LDLRAD3: variants seen among roughly 807,000 people sequenced by gnomAD.
The protein encoded by LDLRAD3 is low density lipoprotein receptor class A domain containing 3.
LDLRAD3 carries 20 observed loss-of-function variants against 29.4 expected under a neutral mutation model. The ratio of observed to expected loss-of-function variants is 0.68; its 90% confidence interval spans 0.48 to 0.99. The LOEUF is 0.99. Among genes scored for constraint, LDLRAD3 ranks in the 50% least tolerant of loss-of-function variants. LDLRAD3 has a pLI of 0.00. For synonymous variants in LDLRAD3, 157 were observed against 192.7 expected, an observed-to-expected ratio of 0.81 and a Z score of 1.53; for missense variants, 420 against 454.3, an observed-to-expected ratio of 0.92 and a Z score of 0.69.
At chr11:36,189,465 C>T (rs1218153401) in intron 4 of LDLRAD3, among the ~76,000 whole-genome samples, 3 of 151,820 alleles carry the variant, frequency 2.0e-5, no homozygotes, top group African/African-American at 7.3e-5. Flanking sequence ...GCTTGGGTGA[C>T]AGAGCGAGAC....
chr11:36,022,021 T>C (rs926719725), intron 1 of LDLRAD3, among the ~76,000 whole-genome samples: 11 of 152,308 alleles, frequency 7.2e-5, no homozygotes, highest in African/African-American at 2.4e-4. Context: ...TGTCTTGATA[T>C]TGAGCTGCCC....
At chr11:36,026,348 T>C (rs985107347) in intron 1 of LDLRAD3, among the ~76,000 whole-genome samples, 2 of 152,234 alleles carry the variant, frequency 1.3e-5, no homozygotes, top group Admixed American at 6.5e-5. Context: ...TTTTGTATTA[T>C]AGTAGTGTCT....
intron 4 of LDLRAD3, among the ~76,000 whole-genome samples, chr11:36,186,514 A>C (rs1277634236): frequency 6.6e-6 from 1 of 152,212 alleles, no homozygotes; most frequent in African/African-American, 2.4e-5. Context: ...CATTCTTGCC[A>C]GACTGATTGC....
chr11:36,031,697 A>G (rs1852237818), intron 1 of LDLRAD3, among the ~76,000 whole-genome samples: 1 of 152,208 alleles, frequency 6.6e-6, no homozygotes, highest in South Asian at 2.1e-4. Flanking sequence ...GGACACTACC[A>G]GCGTGAAAAA....
chr11:36,170,261 CAT>C lies in LDLRAD3; in HGVS notation c.455-56816_455-56815del, dbSNP rs1323523372. Among the ~76,000 whole-genome samples the C allele has an allele frequency of 4.1e-5, 6 of 145,880 alleles. No individual in the cohort carries two copies. The East Asian group carries it at 1.2e-3, about 29-fold the overall frequency. On this transcript the variant is annotated intron_variant, in intron 4 of 5. Coordinates refer to ENST00000315571, the MANE Select transcript of LDLRAD3 (RefSeq NM_174902.4). ...GTATGTGTGTGTATATATATATACACATATATATACACATATATGTACATATA... is the reference window on the plus strand; with the variant it reads ...GTATGTGTGTGTATATATATATACACATATATACACATATATGTACATATA...
rs1321704562 is a variant in LDLRAD3 at position 35,984,763 on chromosome 11, C to T, written c.46+40619C>T. Among the ~76,000 whole-genome samples the T allele has an allele frequency of 2.6e-5, 4 of 152,126 alleles. No individual in the cohort carries two copies. In the South Asian group the frequency reaches 6.2e-4, roughly 24 times the overall value. ...TCTCCTGCCTCAGCCTCCCGAGTAGCTGGGATTACAGGCATGCATCACCAC... is the reference window on the plus strand; with the variant it reads ...TCTCCTGCCTCAGCCTCCCGAGTAGTTGGGATTACAGGCATGCATCACCAC... On this transcript the variant is annotated intron_variant, in intron 1 of 5. Coordinates refer to ENST00000315571, the MANE Select transcript of LDLRAD3 (RefSeq NM_174902.4).
intron 3 of LDLRAD3, among the ~76,000 whole-genome samples, chr11:36,093,279 C>G (rs929787977): frequency 3.9e-5 from 6 of 152,110 alleles, no homozygotes; most frequent in African/African-American, 1.4e-4. Context: ...AAAAATGTAT[C>G]ATTGTGTTGC....
At chr11:36,052,765 G>A (rs932388440) in intron 2 of LDLRAD3, among the ~76,000 whole-genome samples, 2 of 152,118 alleles carry the variant, frequency 1.3e-5, no homozygotes, top group Non-Finnish European at 2.9e-5. Flanking sequence ...ACCCTTCTTA[G>A]TTGTTGAAAA....
At chr11:35,960,812 G>C (rs1012054663) in intron 1 of LDLRAD3, among the ~76,000 whole-genome samples, 1 of 152,202 alleles carries the variant, frequency 6.6e-6, no homozygotes, top group South Asian at 2.1e-4. Context: ...GGCCAGGCTG[G>C]TCTTGAACTC....
chr11:36,183,336 G>T (rs1417569539), intron 4 of LDLRAD3, among the ~76,000 whole-genome samples: 1 of 152,172 alleles, frequency 6.6e-6, no homozygotes, highest in African/African-American at 2.4e-5. Context: ...CTTTGTAAAA[G>T]ATTTTTTGCT....
At chr11:36,214,056 C>G (rs946790246) in intron 4 of LDLRAD3, among the ~76,000 whole-genome samples, 7 of 152,184 alleles carry the variant, frequency 4.6e-5, no homozygotes, top group African/African-American at 9.7e-5. Flanking sequence ...ATCCCGCTGT[C>G]CCTTCATTAA....
chr11:35,979,544 G>A (rs1331304941), intron 1 of LDLRAD3, among the ~76,000 whole-genome samples: 3 of 152,178 alleles, frequency 2.0e-5, no homozygotes. Context: ...TTGCTATACA[G>A]GGTAGTGTGA....
chr11:35,966,762 A>G (rs77842396), intron 1 of LDLRAD3, among the ~76,000 whole-genome samples: 3,139 of 152,326 alleles, frequency 0.021, 74 homozygotes, highest in South Asian at 0.064. Context: ...AGTAAATACA[A>G]TATCAGAAAG....
chr11:36,189,527 A>G (rs1034613992), intron 4 of LDLRAD3, among the ~76,000 whole-genome samples: 18 of 150,860 alleles, frequency 1.2e-4, no homozygotes, highest in African/African-American at 4.4e-4. Flanking sequence ...TTTAGCTATC[A>G]CCCCCTGCAC....
intron 1 of LDLRAD3, among the ~76,000 whole-genome samples, chr11:36,015,330 A>G (rs1364447375): frequency 5.6e-5 from 1 of 17,754 alleles, no homozygotes; most frequent in African/African-American, 2.0e-4. Flanking sequence ...CCCTGCCCCC[A>G]TTGCCTGTCC....
Position 36,229,535 on chromosome 11 carries a change from A to T in LDLRAD3, c.*138A>T. On this transcript the variant is annotated 3_prime_UTR_variant, in exon 6 of 6. Coordinates refer to ENST00000315571, the MANE Select transcript of LDLRAD3 (RefSeq NM_174902.4). ...AGTTTGGGATATTAACTATCTCTGC[A>T]TTCCCCTCCTCCCCCAGACTTCAGA... 1 of 644,410 alleles carries T rather than the reference A, an allele frequency of 1.6e-6. No homozygotes were observed. Among genetic ancestry groups the T allele is most frequent in the Non-Finnish European group, 2.7e-6 (1 of 364,832 alleles). The allele number at this position is 644,410 out of a possible 1,614,324, so 39.9% of individuals were successfully genotyped here.
intron 4 of LDLRAD3, among the ~76,000 whole-genome samples, chr11:36,115,145 TGAGAG>T (rs1853657158): frequency 6.6e-6 from 1 of 152,088 alleles, no homozygotes; most frequent in South Asian, 2.1e-4. Context: ...GAGAGGCCAA[TGAGAG>T]GAGAGAGATG....
chr11:36,149,120 T>G (rs1854238008), intron 4 of LDLRAD3, among the ~76,000 whole-genome samples: 1 of 152,126 alleles, frequency 6.6e-6, no homozygotes, highest in African/African-American at 2.4e-5. Flanking sequence ...CATGATGAGT[T>G]CTGTTGAGTA....
chr11:36,043,181 G>A (rs1197714418), intron 2 of LDLRAD3, among the ~76,000 whole-genome samples: 1 of 152,058 alleles, frequency 6.6e-6, no homozygotes, highest in Non-Finnish European at 1.5e-5. Flanking sequence ...ATGTGTTGGC[G>A]GGAGCCTGTA....
Sources: allele counts gnomAD v4.1 joint callset (sites outside exome capture counted in the v4.1 genomes callset), GRCh38; gene constraint gnomAD v4.1.1; transcripts MANE v1.5; gene names NCBI Gene and HGNC (gene_info 2026-07-23, HGNC 2026-07-21).